The following NME9 variants were observed in gnomAD, a reference collection of about 807,000 sequenced individuals.
The protein encoded by NME9 is NME/NM23 family member 9, also known as thioredoxin domain-containing protein 6.
Under a neutral mutation model 44.4 loss-of-function variants are expected in NME9, and 48 were observed. The observed-to-expected ratio is 1.08, with a 90% CI of 0.86 to 1.37. NME9 has a LOEUF of 1.37. NME9 is among the 40% of genes most tolerant of loss of function. NME9 has a pLI of 0.00. For missense variants in NME9, 325 were observed against 405.2 expected (o/e 0.80, Z 1.70); for synonymous variants, 139 against 147.1 (o/e 0.94, Z 0.40).
intron 6 of NME9, among the ~76,000 whole-genome samples, chr3:138,310,421 A>T (rs1463430129): frequency 6.6e-6 from 1 of 151,644 alleles, no homozygotes; most frequent in African/African-American, 2.4e-5. Flanking sequence ...AACAGACCTA[A>T]CTGATATTTA....
chr3:138,285,427 C>T (rs2050312938), intron 8 of NME9, among the ~76,000 whole-genome samples: 1 of 150,962 alleles, frequency 6.6e-6, no homozygotes, highest in South Asian at 2.1e-4. Flanking sequence ...TCTTATTCCT[C>T]TCTTCCTTTG....
chr3:138,294,023 C>A (rs569861222), intron 8 of NME9, among the ~76,000 whole-genome samples: 1 of 152,092 alleles, frequency 6.6e-6, no homozygotes, highest in African/African-American at 2.4e-5. Context: ...TAAAAAGACT[C>A]CTTAGATAAT....
At chr3:138,298,668 C>G (rs2051685173), downstream of NME9, among the ~76,000 whole-genome samples, 7 of 152,198 alleles carry the variant, frequency 4.6e-5, no homozygotes, top group South Asian at 1.5e-3. Flanking sequence ...TCCACCCCCT[C>G]CATCCTCTTC....
chr3:138,278,460 C>T (rs1225375262), intron 8 of NME9, among the ~76,000 whole-genome samples: 1 of 151,878 alleles, frequency 6.6e-6, no homozygotes, highest in Non-Finnish European at 1.5e-5. Flanking sequence ...GCCGAGATCA[C>T]ACCACTGCAC....
chr3:138,290,200 T>C (rs1389393506), intron 8 of NME9, among the ~76,000 whole-genome samples: 2 of 152,110 alleles, frequency 1.3e-5, no homozygotes, highest in Non-Finnish European at 2.9e-5. Flanking sequence ...GCCAGGGCCA[T>C]GGGTATGTCC....
chr3:138,289,607 C>G (rs1440965189), intron 8 of NME9, among the ~76,000 whole-genome samples: 2 of 152,156 alleles, frequency 1.3e-5, no homozygotes, highest in African/African-American at 4.8e-5. Context: ...AGGTTCTTTA[C>G]TTTGGCTGCA....
chr3:138,319,846 T>C (rs1454561917), intron 2 of NME9, among the ~76,000 whole-genome samples: 1 of 152,196 alleles, frequency 6.6e-6, no homozygotes, highest in Non-Finnish European at 1.5e-5. Flanking sequence ...CTCCTTTATC[T>C]TAAGGGTTCT....
At chr3:138,280,881 G>A (rs1200986384) in intron 8 of NME9, among the ~76,000 whole-genome samples, 1 of 152,148 alleles carries the variant, frequency 6.6e-6, no homozygotes, top group African/African-American at 2.4e-5. Context: ...ACCTGCCTCG[G>A]CCTCCCAAAG....
intron 8 of NME9, among the ~76,000 whole-genome samples, chr3:138,283,986 C>T (rs567676170): frequency 1.3e-5 from 2 of 152,134 alleles, no homozygotes; most frequent in African/African-American, 2.4e-5. Flanking sequence ...CAGGTGGAGG[C>T]CTAGGAAAGG....
downstream of NME9, chr3:138,297,490 CTGATGGGGT>C (rs2051588089): frequency 6.6e-6 from 1 of 152,230 alleles, no homozygotes; most frequent in Admixed American, 6.5e-5. Context: ...CCAGCCACTC[CTGATGGGGT>C]TGCTCACACT....
At chr3:138,274,102 G>T (rs1048131304) in intron 8 of NME9, among the ~76,000 whole-genome samples, 1 of 152,154 alleles carries the variant, frequency 6.6e-6, no homozygotes, top group African/African-American at 2.4e-5. Flanking sequence ...ACAGGCGTGA[G>T]CGTACCGTAC....
chr3:138,324,189 G>A (rs917568453), intron 2 of NME9: 2 of 296,792 alleles, frequency 6.7e-6, no homozygotes, highest in East Asian at 7.9e-5. Flanking sequence ...AGCCTCATGA[G>A]TGAGCTTGGA....
intron 10 of NME9, among the ~76,000 whole-genome samples, chr3:138,302,923 G>A (rs940552187): frequency 1.3e-5 from 2 of 152,216 alleles, no homozygotes; most frequent in Admixed American, 6.5e-5. Flanking sequence ...CATGGGCTCC[G>A]GACCCCTTGG....
chr3:138,306,387 G>A lies in NME9; in HGVS notation c.543+11C>T. On this transcript the variant is annotated intron_variant, in intron 7 of 10. Coordinates refer to ENST00000333911, the MANE Select transcript of NME9 (RefSeq NM_001349018.2). ...AGGACAGTGGTGCATGGTAAGTGTT[G>A]TCTCTCTTACCTTCATGATAATCTC... 6.3e-7 allele frequency: 1 copy of A among 1,578,340 alleles called. No individual in the cohort carries two copies. Among genetic ancestry groups the A allele is most frequent in the Non-Finnish European group, 8.7e-7 (1 of 1,147,258 alleles).
At chr3:138,302,339 C>T (rs956710781) in intron 10 of NME9, among the ~76,000 whole-genome samples, 8 of 152,174 alleles carry the variant, frequency 5.3e-5, no homozygotes, top group African/African-American at 1.7e-4. Flanking sequence ...CATGATCTTC[C>T]AGCACTCCCA....
intron 7 of NME9, 136 bp from the exon 8 acceptor site, chr3:138,306,232 G>T: frequency 1.2e-6 from 1 of 828,448 alleles, no homozygotes; most frequent in Non-Finnish European, 2.0e-6. Flanking sequence ...CACATTATCT[G>T]TCCCAATCAG....
At chr3:138,310,504 G>A (rs1577150303) in intron 6 of NME9, among the ~76,000 whole-genome samples, 2 of 151,770 alleles carry the variant, frequency 1.3e-5, no homozygotes, top group South Asian at 4.2e-4. Flanking sequence ...CCAGAATAGA[G>A]CAAATTATAA....
intron 8 of NME9, among the ~76,000 whole-genome samples, chr3:138,264,573 C>G (rs2048085926): frequency 1.3e-5 from 2 of 151,794 alleles, no homozygotes; most frequent in Non-Finnish European, 2.9e-5. Flanking sequence ...GTGCGCACCA[C>G]CACGCCTGGC....
intron 8 of NME9, 96 bp downstream of exon 8, chr3:138,305,905 CATA>C (rs2052218921): frequency 2.4e-6 from 2 of 846,048 alleles, no homozygotes; most frequent in Admixed American, 2.0e-5. Context: ...TTTGGTTCTT[CATA>C]ATTTCTTCTG....
Sources: gnomAD v4.1 joint callset for allele counts (sites outside exome capture counted in the v4.1 genomes callset) on GRCh38, gnomAD v4.1.1 for gene constraint, MANE v1.5 for transcripts, NCBI Gene and HGNC (gene_info 2026-07-23, HGNC 2026-07-21) for gene names.